DCBLD1: variants seen among roughly 807,000 people sequenced by gnomAD.
DCBLD1 encodes the protein discoidin, CUB and LCCL domain containing 1, also known as discoidin, CUB and LCCL domain-containing protein 1.
A neutral mutation model predicts 71.5 loss-of-function variants in DCBLD1; 57 were observed. The observed-to-expected ratio is 0.80, with a 90% CI of 0.64 to 0.99. The LOEUF (loss-of-function observed/expected upper bound fraction) is 0.99. Among genes scored for constraint, DCBLD1 ranks in the 50% least tolerant of loss-of-function variants. The probability of loss-of-function intolerance (pLI) is 0.00; values close to 1 mark genes in which losing one functional copy is unlikely to be tolerated. For synonymous variants in DCBLD1, 380 were observed against 363.8 expected (o/e 1.04, Z -0.51); for missense variants, 891 against 923.5 (o/e 0.96, Z 0.46).
Position 117,563,276 on chromosome 6 carries a change from A to G in DCBLD1, c.1616-6344A>G, listed in dbSNP as rs1779623487. The G allele has an allele frequency of 2.5e-6, 4 of 1,613,070 alleles. No individual in the cohort carries two copies. In the South Asian group the frequency reaches 3.3e-5, roughly 13 times the overall value. Reference sequence around the variant, plus strand: ...AATTTAATAAGATTTTTTATGATACAGAGTGTGCAGATCATCTAATTTTGA... The same window carrying G: ...AATTTAATAAGATTTTTTATGATACGGAGTGTGCAGATCATCTAATTTTGA... On this transcript the variant is annotated intron_variant, in intron 14 of 14. Coordinates refer to the DCBLD1 transcript ENST00000296955.
chr6:117,531,429 G>T (rs931635856), intron 5 of DCBLD1, among the ~76,000 whole-genome samples: 1 of 152,176 alleles, frequency 6.6e-6, no homozygotes, highest in African/African-American at 2.4e-5. Flanking sequence ...AGTTCTAGTC[G>T]TTTCTGTAGC....
chr6:117,530,736 C>T (rs951763879), intron 5 of DCBLD1, among the ~76,000 whole-genome samples: 11 of 152,128 alleles, frequency 7.2e-5, no homozygotes, highest in African/African-American at 2.4e-4. Flanking sequence ...TCAACTGGCT[C>T]CTCTGTTTTG....
At chr6:117,505,579 A>G (rs1777813588) in intron 2 of DCBLD1, among the ~76,000 whole-genome samples, 1 of 152,194 alleles carries the variant, frequency 6.6e-6, no homozygotes, top group Non-Finnish European at 1.5e-5. Flanking sequence ...AAGGGAAGCA[A>G]ATCTTCCCAA....
intron 7 of DCBLD1, among the ~76,000 whole-genome samples, chr6:117,537,465 C>T (rs536047186): frequency 1.7e-4 from 26 of 150,058 alleles, no homozygotes; most frequent in African/African-American, 3.2e-4. Flanking sequence ...ACCCGGGAGG[C>T]GGAGCTTGCA....
At chr6:117,504,085 G>GA in intron 2 of DCBLD1, 106 bp downstream of exon 2, 1 of 1,251,094 alleles carries the variant, frequency 8.0e-7, no homozygotes, top group Non-Finnish European at 1.1e-6. Flanking sequence ...GATTAGAAGA[G>GA]AAACTTGCTT....
chr6:117,546,589 T>G (rs1053692750), intron 14 of DCBLD1, among the ~76,000 whole-genome samples: 2 of 152,216 alleles, frequency 1.3e-5, no homozygotes, highest in East Asian at 3.9e-4. Context: ...TGTTGTCTTA[T>G]GCCTTTCATT....
intron 1 of DCBLD1, among the ~76,000 whole-genome samples, chr6:117,497,105 G>A (rs1243025246): frequency 3.3e-5 from 5 of 152,206 alleles, no homozygotes; most frequent in African/African-American, 1.2e-4. Context: ...TGAGGCAGGA[G>A]AATTGCTTGA....
chr6:117,556,382 C>CT (rs1779495866), intron 14 of DCBLD1, among the ~76,000 whole-genome samples: 1 of 152,170 alleles, frequency 6.6e-6, no homozygotes, highest in African/African-American at 2.4e-5. Context: ...ACCTTCCTAT[C>CT]TTCTGTAGTC....
chr6:117,532,278 G>C lies in DCBLD1; in HGVS notation c.604G>C (p.Ala202Pro), dbSNP rs151207308. The C allele has an allele frequency of 6.2e-7, 1 of 1,610,826 alleles. No individual in the cohort carries two copies. The highest frequency in any genetic ancestry group is 1.3e-5 in the African/African-American group (1 of 74,712). ...GYRDTSLLCKAAIHAGIIADE... is the reference protein window; with the variant it reads ...GYRDTSLLCKPAIHAGIIADE... Reference sequence around the variant, plus strand: ...GTTTCAGACCTCTTTATTGTGCAAAGCTGCCATCCATGCAGGAATAATTGC... The same window carrying C: ...GTTTCAGACCTCTTTATTGTGCAAACCTGCCATCCATGCAGGAATAATTGC... Residue 202 changes from alanine (A) to proline (P), a missense_variant, in exon 6 of 15, where the codon GCT becomes CCT. By Grantham distance (27) the Ala-to-Pro change is conservative (BLOSUM62 -1). Coordinates refer to ENST00000338728, the MANE Select transcript of DCBLD1 (RefSeq NM_001366458.2).
chr6:117,505,319 G>T (rs898102682), intron 2 of DCBLD1, among the ~76,000 whole-genome samples: 1 of 152,144 alleles, frequency 6.6e-6, no homozygotes, highest in Non-Finnish European at 1.5e-5. Context: ...GGAGGCATTT[G>T]TCAGGGAGTC....
At chr6:117,541,248 G>A (rs1398124940) in intron 11 of DCBLD1, among the ~76,000 whole-genome samples, 1 of 151,924 alleles carries the variant, frequency 6.6e-6, no homozygotes, top group African/African-American at 2.4e-5. Context: ...TCAAACACTA[G>A]GTACATATTT....
intron 1 of DCBLD1, among the ~76,000 whole-genome samples, chr6:117,487,967 C>T (rs575198110): frequency 6.6e-6 from 1 of 152,098 alleles, no homozygotes; most frequent in Admixed American, 6.5e-5. Flanking sequence ...ATAAAGCAAA[C>T]GCATGTGATG....
At chr6:117,502,505 C>A (rs1777697937) in intron 1 of DCBLD1, among the ~76,000 whole-genome samples, 1 of 152,130 alleles carries the variant, frequency 6.6e-6, no homozygotes, top group South Asian at 2.1e-4. Flanking sequence ...TTGGCCCCAA[C>A]ACCTCAAGGC....
At chr6:117,560,872 CCTTA>C (rs1433554423) in intron 14 of DCBLD1, 10 of 214,468 alleles carry the variant, frequency 4.7e-5, no homozygotes, top group South Asian at 1.9e-4. Context: ...ACAGTTCCCT[CCTTA>C]CTTGTTTGGT....
Position 117,549,750 on chromosome 6 carries a change from A to G in DCBLD1, c.*1311A>G. ...GGAAATGGTTTACTTTGTAGAGTTTACATGGTTTTATGCGCACACTAATTG... is the reference window on the plus strand; with the variant it reads ...GGAAATGGTTTACTTTGTAGAGTTTGCATGGTTTTATGCGCACACTAATTG... On this transcript the variant is annotated 3_prime_UTR_variant, in exon 15 of 15. Transcript: ENST00000338728. The G allele has an allele frequency of 1.0e-6, 1 of 985,452 alleles. No homozygotes were observed. The highest frequency in any genetic ancestry group is 1.2e-6 in the Non-Finnish European group (1 of 829,960). 61.0% of individuals were successfully genotyped at this position (985,452 alleles called of 1,614,324 possible).
At chr6:117,538,960 T>C in intron 8 of DCBLD1, 125 bp downstream of exon 8, 1 of 1,043,792 alleles carries the variant, frequency 9.6e-7, no homozygotes, top group Non-Finnish European at 1.4e-6. Flanking sequence ...CTTGAAATAT[T>C]TGAAAATGTA....
intron 14 of DCBLD1, 30 bp downstream of exon 14, chr6:117,545,627 T>C (rs1779242675): frequency 1.9e-6 from 3 of 1,599,540 alleles, no homozygotes; most frequent in Non-Finnish European, 2.6e-6. Flanking sequence ...GACTGTGCTA[T>C]TAGATTGGAG....
At chr6:117,508,552 CT>C (rs1450827512) in intron 2 of DCBLD1, among the ~76,000 whole-genome samples, 1 of 152,174 alleles carries the variant, frequency 6.6e-6, no homozygotes, top group Admixed American at 6.5e-5. Context: ...CTTTACAGCT[CT>C]TTAGTGACCA....
Position 117,524,085 on chromosome 6 carries a change from T to C in DCBLD1, c.513-1277T>C, listed in dbSNP as rs191056983. Among the ~76,000 whole-genome samples, 57 of 152,298 alleles carry C rather than the reference T, an allele frequency of 3.7e-4. No individual in the cohort carries two copies. In the East Asian group the frequency reaches 0.01, roughly 27 times the overall value. On this transcript the variant is annotated intron_variant, in intron 4 of 14. Transcript: ENST00000338728. ...CAGGGTCCCACTGCTAGCTAGGTAG[T>C]GCTGGAGCCTGTGTCACTCTGCTCC...
Sources: allele counts gnomAD v4.1 joint callset (sites outside exome capture counted in the v4.1 genomes callset), GRCh38; gene constraint gnomAD v4.1.1; transcripts MANE v1.5; gene names NCBI Gene and HGNC (gene_info 2026-07-23, HGNC 2026-07-21).